Variants in PRDM5 observed in about 807,000 individuals in gnomAD.
PRDM5 encodes the protein PR domain zinc finger protein 5.
In PRDM5, 56 loss-of-function variants were observed where a neutral mutation model predicts 81.2. The ratio of observed to expected loss-of-function variants is 0.69; its 90% CI spans 0.56 to 0.86. The LOEUF (loss-of-function observed/expected upper bound fraction) is 0.86. Ranked by LOEUF, PRDM5 falls within the 40% of genes least tolerant of loss-of-function variation. The probability of loss-of-function intolerance (pLI) is 0.00; values close to 1 mark genes in which losing one functional copy is unlikely to be tolerated. For missense variants in PRDM5, 697 were observed against 770.1 expected (o/e 0.91, Z 1.12); for synonymous variants, 267 against 256.4 (o/e 1.04, Z -0.39).
chr4:120,916,249 T>C (rs1724150328), intron 1 of PRDM5, among the ~76,000 whole-genome samples: 1 of 151,980 alleles, frequency 6.6e-6, no homozygotes, highest in African/African-American at 2.4e-5. Context: ...TAGCCAGGTG[T>C]GGTGGTGGGC....
chr4:120,819,013 A>G (rs343189), intron 4 of PRDM5, among the ~76,000 whole-genome samples: 8,106 of 152,280 alleles, frequency 0.053, 347 homozygotes, highest in Middle Eastern at 0.15. Flanking sequence ...GGTCCCATAT[A>G]GACTGGTGCA....
chr4:120,810,956 A>C (rs2149322578), intron 8 of PRDM5, among the ~76,000 whole-genome samples: 1 of 152,322 alleles, frequency 6.6e-6, no homozygotes, highest in South Asian at 2.1e-4. Flanking sequence ...ATACATCTAT[A>C]TATAAACAGA....
intron 15 of PRDM5, among the ~76,000 whole-genome samples, chr4:120,707,764 AT>A (rs1487640000): frequency 7.9e-5 from 12 of 152,120 alleles, no homozygotes; most frequent in Non-Finnish European, 1.8e-4. Flanking sequence ...AATGAAAAAA[AT>A]ATTTGCATGT....
intron 15 of PRDM5, among the ~76,000 whole-genome samples, chr4:120,705,709 T>G (rs1736008709): frequency 6.6e-6 from 1 of 152,158 alleles, no homozygotes; most frequent in Admixed American, 6.6e-5. Flanking sequence ...TTTGAGCAAA[T>G]GAATACTATA....
intron 13 of PRDM5, among the ~76,000 whole-genome samples, chr4:120,759,047 G>A (rs1045042677): frequency 5.3e-5 from 8 of 152,140 alleles, no homozygotes; most frequent in Admixed American, 2.0e-4. Flanking sequence ...GAGCCACCAC[G>A]CCCGACCCAG....
At chr4:120,907,595 A>G in intron 1 of PRDM5, 38 bp from the exon 2 acceptor site, 1 of 1,510,082 alleles carries the variant, frequency 6.6e-7, no homozygotes. Context: ...GGATTAGTAC[A>G]ATAAATCAAC....
intron 15 of PRDM5, among the ~76,000 whole-genome samples, chr4:120,695,779 A>T (rs1201306334): frequency 6.6e-6 from 1 of 152,156 alleles, no homozygotes; most frequent in Non-Finnish European, 1.5e-5. Context: ...CTCAACATGC[A>T]TTAAACAGCC....
At chr4:120,841,714 C>A (rs1758053911) in intron 3 of PRDM5, among the ~76,000 whole-genome samples, 1 of 152,136 alleles carries the variant, frequency 6.6e-6, no homozygotes, top group Non-Finnish European at 1.5e-5. Context: ...AAAATACACA[C>A]CACACACCCA....
At chr4:120,791,534 T>A (rs562347540) in intron 10 of PRDM5, among the ~76,000 whole-genome samples, 24 of 152,344 alleles carry the variant, frequency 1.6e-4, no homozygotes, top group Admixed American at 5.9e-4. Flanking sequence ...AGGTGCCTTC[T>A]ATGGTAGAAT....
chr4:120,856,848 T>G (rs1218170527), intron 2 of PRDM5, among the ~76,000 whole-genome samples: 1 of 152,236 alleles, frequency 6.6e-6, no homozygotes, highest in Non-Finnish European at 1.5e-5. Flanking sequence ...ATTATGTTAC[T>G]GTCAAGACTT....
At chr4:120,884,322 C>G (rs187860825) in intron 2 of PRDM5, among the ~76,000 whole-genome samples, 1 of 152,194 alleles carries the variant, frequency 6.6e-6, no homozygotes, top group African/African-American at 2.4e-5. Flanking sequence ...GAAAACATAA[C>G]CTGGTTGATA....
At position 120,870,686 on chromosome 4, in the gene PRDM5, C is replaced by G. The variant is rs140624495; in HGVS notation, c.178-17146G>C. Among the ~76,000 whole-genome samples, 45 of 152,284 alleles carry G rather than the reference C, an allele frequency of 3.0e-4. No individual in the cohort carries two copies. The East Asian group carries it at 5.6e-3, about 19-fold the overall frequency. Reference sequence around the variant, plus strand: ...AAGCTGTAAAGAGTCAAGTGTGAGGCAGGAAACTCTGAAGAACAAGGTTCA... The same window carrying G: ...AAGCTGTAAAGAGTCAAGTGTGAGGGAGGAAACTCTGAAGAACAAGGTTCA... On this transcript the variant is annotated intron_variant, in intron 2 of 15. Transcript: ENST00000264808.
At chr4:120,780,567 T>C (rs917798259) in intron 12 of PRDM5, among the ~76,000 whole-genome samples, 3 of 152,182 alleles carry the variant, frequency 2.0e-5, no homozygotes, top group African/African-American at 7.2e-5. Flanking sequence ...CTTGATTCCC[T>C]TGAGGTAATG....
intron 3 of PRDM5, among the ~76,000 whole-genome samples, chr4:120,852,752 T>A (rs1046445263): frequency 4.7e-5 from 7 of 149,920 alleles, no homozygotes; most frequent in Non-Finnish European, 1.0e-4. Context: ...CATATATATA[T>A]TTTTATATAT....
intron 14 of PRDM5, among the ~76,000 whole-genome samples, chr4:120,725,120 T>C (rs904251981): frequency 5.9e-5 from 9 of 151,924 alleles, no homozygotes; most frequent in Admixed American, 5.9e-4. Flanking sequence ...AAGAAAAAGA[T>C]GACAACAGTA....
At chr4:120,857,150 G>GT (rs1391756564) in intron 2 of PRDM5, among the ~76,000 whole-genome samples, 3 of 152,172 alleles carry the variant, frequency 2.0e-5, no homozygotes, top group Non-Finnish European at 1.5e-5. Context: ...GAGGGTAGGA[G>GT]TTTGAGACCA....
chr4:120,816,032 A>G lies in PRDM5; in HGVS notation c.865+421T>C, dbSNP rs534129612. 1.4e-5 allele frequency: 3 copies of G among 216,334 alleles called. No homozygotes were observed. In the South Asian group the frequency reaches 1.9e-4, roughly 14 times the overall value. The allele number at this position is 216,334 out of a possible 1,614,324, so 13.4% of individuals were successfully genotyped here. A position where few individuals can be genotyped will look rare whatever the true frequency, so the allele number is the denominator to read the frequency against. Reference sequence around the variant, plus strand: ...ATGTGTTAGCAATTTTCTCTAACTTAGGAGAACTGTATTTTCACAAGTTGG... The same window carrying G: ...ATGTGTTAGCAATTTTCTCTAACTTGGGAGAACTGTATTTTCACAAGTTGG... On this transcript the variant is annotated intron_variant, in intron 7 of 15. Transcript: ENST00000264808.
intron 14 of PRDM5, among the ~76,000 whole-genome samples, chr4:120,720,982 T>C (rs1738513287): frequency 6.6e-6 from 1 of 152,220 alleles, no homozygotes; most frequent in African/African-American, 2.4e-5. Flanking sequence ...GCATACAGTC[T>C]TTAAATAGAA....
chr4:120,847,406 C>T (rs539061279), intron 3 of PRDM5, among the ~76,000 whole-genome samples: 8 of 152,220 alleles, frequency 5.3e-5, no homozygotes, highest in Non-Finnish European at 1.0e-4. Context: ...CTGAGCAACC[C>T]CAGAGAGAGC....
Sources: allele counts gnomAD v4.1 joint callset (sites outside exome capture counted in the v4.1 genomes callset), GRCh38; gene constraint gnomAD v4.1.1; transcripts MANE v1.5; gene names NCBI Gene and HGNC (gene_info 2026-07-23, HGNC 2026-07-21).